BABAM2: variants seen among roughly 807,000 people sequenced by gnomAD.
BABAM2 encodes BRISC and BRCA1 A complex member 2, also known as BRISC and BRCA1-A complex member 2.
A neutral mutation model predicts 54.7 loss-of-function variants in BABAM2; 31 were observed. The ratio of observed to expected loss-of-function variants is 0.57; its 90% confidence interval spans 0.43 to 0.77. BABAM2 has a LOEUF of 0.77. Among genes scored for constraint, BABAM2 ranks in the 30% least tolerant of loss-of-function variants. The pLI, the probability that BABAM2 is intolerant of heterozygous loss-of-function variation, is 0.00. For missense variants in BABAM2, 364 were observed against 455.8 expected (o/e 0.80, Z 1.83); for synonymous variants, 167 against 162.9 (o/e 1.03, Z -0.19).
rs1675786344 is a variant in BABAM2, at chr2:28,026,865, T to TAA, written c.495+1446_495+1447insAA. 6.0e-5 allele frequency among the ~76,000 whole-genome samples: 3 copies of TAA among 49,594 alleles called. No homozygotes were observed. The Admixed American group carries it at 8.6e-4, about 14-fold the overall frequency. The allele number at this position is 49,594 out of a possible 152,430, so 32.5% of individuals were successfully genotyped here. A position where few individuals can be genotyped will look rare whatever the true frequency, so the allele number is the denominator to read the frequency against. On this transcript the variant is annotated intron_variant, in intron 5 of 11. Transcript: ENST00000379624. ...ATAAATATATATTTATATATATAGA[T>TAA]ATATATATTTATATATATATAGATA...
intron 8 of BABAM2, among the ~76,000 whole-genome samples, chr2:28,238,490 T>C (rs916134145): frequency 1.3e-5 from 2 of 152,218 alleles, no homozygotes; most frequent in Non-Finnish European, 1.5e-5. Flanking sequence ...CACTTCTATA[T>C]AGAAAATAGT....
chr2:27,906,566 C>T (rs566017894), intron 2 of BABAM2, among the ~76,000 whole-genome samples: 4 of 152,170 alleles, frequency 2.6e-5, no homozygotes, highest in Non-Finnish European at 4.4e-5. Context: ...ACTTTGGGAA[C>T]TTTGGCTAGG....
intron 7 of BABAM2, among the ~76,000 whole-genome samples, chr2:28,185,206 T>TA (rs1676151401): frequency 6.6e-6 from 1 of 152,184 alleles, no homozygotes; most frequent in African/African-American, 2.4e-5. Context: ...CCCCATTTCT[T>TA]ATCTGAGCAT....
intron 2 of BABAM2, among the ~76,000 whole-genome samples, chr2:27,910,491 A>G (rs1288133723): frequency 2.6e-5 from 4 of 152,198 alleles, no homozygotes; most frequent in African/African-American, 9.7e-5. Context: ...AATTTTCACA[A>G]GCTGAACAGA....
chr2:27,926,042 C>G (rs180738393), intron 2 of BABAM2, among the ~76,000 whole-genome samples: 49 of 151,064 alleles, frequency 3.2e-4, no homozygotes, highest in Non-Finnish European at 5.7e-4. Flanking sequence ...TCTTTGTTGA[C>G]TAAAATGGTC....
intron 10 of BABAM2, among the ~76,000 whole-genome samples, chr2:28,246,017 G>A (rs1311527282): frequency 6.6e-6 from 1 of 152,150 alleles, no homozygotes; most frequent in African/African-American, 2.4e-5. Flanking sequence ...ACCTTATCAT[G>A]GTAAAATTCA....
intron 6 of BABAM2, among the ~76,000 whole-genome samples, chr2:28,078,984 C>T (rs1447199435): frequency 6.6e-6 from 1 of 152,142 alleles, no homozygotes; most frequent in East Asian, 1.9e-4. Context: ...ATATTTCCAG[C>T]ATGAACCAAT....
chr2:28,188,972 G>A lies in BABAM2; in HGVS notation c.681-48230G>A, dbSNP rs370084939. Among the ~76,000 whole-genome samples, 218 of 152,288 alleles carry A rather than the reference G, an allele frequency of 1.4e-3. 4 individuals carry two copies. In the South Asian group the frequency reaches 0.04, roughly 28 times the overall value. On this transcript the variant is annotated intron_variant, in intron 7 of 11. Coordinates refer to ENST00000379624, the MANE Select transcript of BABAM2 (RefSeq NM_199191.3). ...TCCCAACACTTTGGGAGGCCAAGGC[G>A]GGAGGATCACCTGAGGTCGGGAGTT...
chr2:28,038,739 A>G (rs2148595798), intron 5 of BABAM2, among the ~76,000 whole-genome samples: 1 of 152,248 alleles, frequency 6.6e-6, no homozygotes, highest in East Asian at 1.9e-4. Context: ...TCTGTGTTGT[A>G]TTCTATGGTG....
chr2:28,326,062 G>T (rs1690425446), intron 11 of BABAM2, among the ~76,000 whole-genome samples: 1 of 152,180 alleles, frequency 6.6e-6, no homozygotes, highest in Non-Finnish European at 1.5e-5. Flanking sequence ...TGTGACTTGG[G>T]GCCTGGACCC....
At chr2:27,900,019 C>T (rs1451510255) in intron 2 of BABAM2, among the ~76,000 whole-genome samples, 1 of 152,196 alleles carries the variant, frequency 6.6e-6, no homozygotes, top group African/African-American at 2.4e-5. Flanking sequence ...ATCCTTCCAT[C>T]AGCCGAAGTG....
intron 3 of BABAM2, among the ~76,000 whole-genome samples, chr2:27,932,147 A>G (rs1054701518): frequency 7.9e-5 from 12 of 152,108 alleles, no homozygotes; most frequent in Non-Finnish European, 1.6e-4. Flanking sequence ...GCTGGCACCC[A>G]TTCTCAAATA....
chr2:28,217,736 C>A (rs1351933318), intron 7 of BABAM2, among the ~76,000 whole-genome samples: 1 of 152,124 alleles, frequency 6.6e-6, no homozygotes, highest in East Asian at 1.9e-4. Flanking sequence ...TGCTGACTTT[C>A]CTACTAGAAG....
At chr2:28,079,931 T>C (rs1266614135) in intron 6 of BABAM2, among the ~76,000 whole-genome samples, 3 of 152,150 alleles carry the variant, frequency 2.0e-5, no homozygotes, top group Admixed American at 6.5e-5. Context: ...AAAAATATGT[T>C]ACCTAAAAAA....
chr2:28,025,107 T>C, intron 4 of BABAM2, 119 bp from the exon 5 acceptor site: 1 of 861,668 alleles, frequency 1.2e-6, no homozygotes, highest in South Asian at 2.5e-5. Context: ...TAAGGAGGAG[T>C]AGTCTGTTCC....
At chr2:28,224,823 G>A (rs977906700) in intron 7 of BABAM2, among the ~76,000 whole-genome samples, 1 of 127,704 alleles carries the variant, frequency 7.8e-6, no homozygotes, top group Non-Finnish European at 1.6e-5. Context: ...TTGATTATGG[G>A]AGAACAAGTC....
intron 10 of BABAM2, among the ~76,000 whole-genome samples, chr2:28,270,922 A>T (rs1685371896): frequency 6.6e-6 from 1 of 152,140 alleles, no homozygotes; most frequent in Non-Finnish European, 1.5e-5. Flanking sequence ...ATGTAATGCT[A>T]GTGTTTCTTG....
rs147711825 is a variant in BABAM2 at position 28,282,984 on chromosome 2, C to T, written c.935-15354C>T. ...CTACATTCCAGCCCAGGCAGCAGAGCGAGACTCCGTCCCAAAAAAAAAAAA... is the reference window on the plus strand; with the variant it reads ...CTACATTCCAGCCCAGGCAGCAGAGTGAGACTCCGTCCCAAAAAAAAAAAA... On this transcript the variant is annotated intron_variant, in intron 10 of 11. Coordinates refer to ENST00000379624, the MANE Select transcript of BABAM2 (RefSeq NM_199191.3). Among the ~76,000 whole-genome samples, 4 of 48,778 alleles carry T rather than the reference C, an allele frequency of 8.2e-5. 1 individual carries two copies. The Admixed American group carries it at 8.8e-4, about 11-fold the overall frequency. 32.0% of individuals were successfully genotyped at this position (48,778 alleles called of 152,430 possible).
chr2:27,915,581 C>T (rs2148316915), intron 2 of BABAM2, among the ~76,000 whole-genome samples: 1 of 152,350 alleles, frequency 6.6e-6, no homozygotes, highest in African/African-American at 2.4e-5. Context: ...GGATGGCACA[C>T]TTATCCCATT....
Sources: allele counts gnomAD v4.1 joint callset (sites outside exome capture counted in the v4.1 genomes callset), GRCh38; gene constraint gnomAD v4.1.1; transcripts MANE v1.5; gene names NCBI Gene and HGNC (gene_info 2026-07-23, HGNC 2026-07-21).